Variants in SRRM3 observed in about 807,000 individuals in gnomAD.
SRRM3 encodes the protein serine/arginine repetitive matrix 3.
Under a neutral mutation model 66.2 loss-of-function variants are expected in SRRM3, and 27 were observed. That is an observed-to-expected ratio of 0.41 (90% confidence interval 0.30 to 0.56). The LOEUF (loss-of-function observed/expected upper bound fraction) is 0.56, where lower values mean the gene tolerates loss of function less well. Ranked by LOEUF, SRRM3 falls within the 20% of genes least tolerant of loss-of-function variation. The probability of loss-of-function intolerance (pLI) is 0.32; values close to 1 mark genes in which losing one functional copy is unlikely to be tolerated. For missense variants in SRRM3, 918 were observed against 991.9 expected (o/e 0.93, Z 1.00); for synonymous variants, 391 against 414.9 (o/e 0.94, Z 0.70).
rs1403759504 is a variant in SRRM3, at chr7:76,235,146, C to G, written c.80C>G (p.Ser27Cys). The part of the protein sequence containing the change: ...DAANGFPQPS[S>C]SSGTWPRAEE... The stretch of plus-strand genomic sequence containing the variant: ...GCGAACGGCTTCCCGCAGCCCAGCT[C>G]CTCCTCGGGGACCTGGCCGCGGGCG... Residue 27 changes from serine to cysteine, a missense_variant, in exon 2 of 15, where the codon TCC (serine) becomes TGC (cysteine). Physicochemically the swap from Ser to Cys is moderately radical, Grantham distance 112 (BLOSUM62 -1). Transcript: ENST00000611745. The G allele has an allele frequency of 1.3e-6, 2 of 1,563,906 alleles. No individual in the cohort carries two copies. Among genetic ancestry groups the G allele is most frequent in the Non-Finnish European group, 1.7e-6 (2 of 1,162,632 alleles).
intron 11 of SRRM3, among the ~76,000 whole-genome samples, chr7:76,271,505 A>T (rs1227405999): frequency 1.3e-5 from 2 of 151,786 alleles, no homozygotes; most frequent in Non-Finnish European, 2.9e-5. Context: ...AAAGCTGGGC[A>T]TGGTGGAATA....
At chr7:76,237,237 C>T (rs1256032169) in intron 2 of SRRM3, among the ~76,000 whole-genome samples, 1 of 152,162 alleles carries the variant, frequency 6.6e-6, no homozygotes, top group Non-Finnish European at 1.5e-5. Flanking sequence ...GAAACCCCAT[C>T]GCTACTAAAA....
chr7:76,277,730 AAAAAAG>A (rs1315705042), intron 11 of SRRM3, among the ~76,000 whole-genome samples: 3 of 148,500 alleles, frequency 2.0e-5, no homozygotes, highest in Non-Finnish European at 4.5e-5. Flanking sequence ...AAAAAAAAAA[AAAAAAG>A]AGAGAGAGAG....
intron 8 of SRRM3, among the ~76,000 whole-genome samples, chr7:76,263,445 A>C (rs192382719): frequency 6.6e-6 from 1 of 152,198 alleles, no homozygotes; most frequent in African/African-American, 2.4e-5. Flanking sequence ...CAGGCCTTTC[A>C]TCAAAGGTAG....
At chr7:76,233,978 G>A (rs1455136882) in intron 1 of SRRM3, among the ~76,000 whole-genome samples, 1 of 152,032 alleles carries the variant, frequency 6.6e-6, no homozygotes, top group East Asian at 1.9e-4. Flanking sequence ...AGGGGAGGGT[G>A]TGTTGGGGGA....
Position 76,282,028 on chromosome 7 carries a change from C to A in SRRM3, c.1370+226C>A, listed in dbSNP as rs73373462. Among the ~76,000 whole-genome samples the A allele has an allele frequency of 7.2e-3, 995 of 137,312 alleles. 17 individuals are homozygous for A. The highest frequency in any genetic ancestry group is 0.026 in the African/African-American group (958 of 36,326). 90.1% of individuals were successfully genotyped at this position (137,312 alleles called of 152,430 possible). A position where few individuals can be genotyped will look rare whatever the true frequency, so the allele number is the denominator to read the frequency against. On this transcript the variant is annotated intron_variant, in intron 12 of 14. Coordinates refer to ENST00000611745, the MANE Select transcript of SRRM3 (RefSeq NM_001110199.3). ...CTACCCCCCACGGATCTCAACCCCC[C>A]ACGGAGCTCTCCTCCCTCTCCACGG... is the stretch of plus-strand genomic sequence containing the variant.
At chr7:76,245,639 C>T (rs1158715449) in intron 2 of SRRM3, among the ~76,000 whole-genome samples, 2 of 152,138 alleles carry the variant, frequency 1.3e-5, no homozygotes, top group Non-Finnish European at 2.9e-5. Flanking sequence ...ACTGTAGTCA[C>T]CCTGTTGGGC....
At chr7:76,243,663 CT>C (rs1315214810) in intron 2 of SRRM3, among the ~76,000 whole-genome samples, 1 of 152,220 alleles carries the variant, frequency 6.6e-6, no homozygotes, top group Non-Finnish European at 1.5e-5. Context: ...CTGAAACCCC[CT>C]GCCAGCCCCC....
At chr7:76,273,631 C>T (rs1554610774) in intron 11 of SRRM3, 1 of 152,246 alleles carries the variant, frequency 6.6e-6, no homozygotes, top group African/African-American at 2.4e-5. Flanking sequence ...CTCTCGCTCC[C>T]ATCTCCAGAT....
chr7:76,240,700 A>G (rs1554605516), intron 2 of SRRM3, among the ~76,000 whole-genome samples: 1 of 151,610 alleles, frequency 6.6e-6, no homozygotes, highest in Admixed American at 6.6e-5. Context: ...TGTCCCAGAG[A>G]GCGACCCAGG....
chr7:76,261,386 A>G lies in SRRM3; in HGVS notation c.610A>G (p.Lys204Glu). ...GSSSPLRKKK[K>E]SVKKHRRDRS... The stretch of plus-strand genomic sequence containing the variant: ...CTCCTCACCCCTCCGCAAGAAGAAG[A>G]AGAGTGTGAAGAAGCATCGCCGAGA... The change falls in exon 7 of 15, where the codon AAG (lysine) becomes GAG (glutamate). Residue 204 changes from lysine (K) to glutamate (E), a missense_variant. Transcript: ENST00000611745. 2 of 1,587,068 alleles carry G rather than the reference A, an allele frequency of 1.3e-6. No individual in the cohort carries two copies. Among genetic ancestry groups the G allele is most frequent in the Non-Finnish European group, 1.7e-6 (2 of 1,167,236 alleles).
At chr7:76,267,518 G>A in intron 11 of SRRM3, 83 bp downstream of exon 11, 2 of 1,043,026 alleles carry the variant, frequency 1.9e-6, no homozygotes, top group Non-Finnish European at 2.5e-6. Flanking sequence ...CGGGGCAGGG[G>A]GCGATAAGTG....
chr7:76,278,990 C>T (rs939081829), intron 11 of SRRM3, among the ~76,000 whole-genome samples: 1 of 152,174 alleles, frequency 6.6e-6, no homozygotes, highest in Non-Finnish European at 1.5e-5. Flanking sequence ...CGGTGGCTCT[C>T]GCCTGTAATC....
At chr7:76,209,460 A>G (rs1421098652) in intron 1 of SRRM3, among the ~76,000 whole-genome samples, 3 of 152,202 alleles carry the variant, frequency 2.0e-5, no homozygotes, top group Non-Finnish European at 4.4e-5. Context: ...GGCACTCCAG[A>G]GAGCATCATG....
chr7:76,228,061 T>TA (rs1554603884), intron 1 of SRRM3, among the ~76,000 whole-genome samples: 1 of 151,962 alleles, frequency 6.6e-6, no homozygotes, highest in Non-Finnish European at 1.5e-5. Context: ...GTAGAGACAG[T>TA]GTCTGACTAT....
At position 76,241,870 on chromosome 7, in the gene SRRM3, C is replaced by T. The variant is rs139278553; in HGVS notation, c.234-6318C>T. Among the ~76,000 whole-genome samples, 201 of 152,314 alleles carry T rather than the reference C, an allele frequency of 1.3e-3. 9 individuals carry two copies. In the South Asian group the frequency reaches 0.036, roughly 28 times the overall value. On this transcript the variant is annotated intron_variant, in intron 2 of 14. Coordinates refer to ENST00000611745, the MANE Select transcript of SRRM3 (RefSeq NM_001110199.3). ...TGTGCAAAGTGATGTAAATACATCACGTCTGTGTTAGCCCACTTTGCATTG... is the reference window on the plus strand; with the variant it reads ...TGTGCAAAGTGATGTAAATACATCATGTCTGTGTTAGCCCACTTTGCATTG...
chr7:76,264,844 C>A, intron 9 of SRRM3, 29 bp downstream of exon 9: 2 of 1,611,574 alleles, frequency 1.2e-6, no homozygotes, highest in Non-Finnish European at 8.5e-7. Flanking sequence ...CTCCAGCCCC[C>A]CATTCGTTCT....
chr7:76,247,855 C>T (rs1351767152), intron 2 of SRRM3, among the ~76,000 whole-genome samples: 6 of 152,084 alleles, frequency 3.9e-5, no homozygotes, highest in African/African-American at 1.4e-4. Flanking sequence ...CCACCACATC[C>T]GGCTAATTTT....
intron 1 of SRRM3, among the ~76,000 whole-genome samples, chr7:76,222,898 G>C (rs1800762122): frequency 6.6e-6 from 1 of 152,068 alleles, no homozygotes; most frequent in Non-Finnish European, 1.5e-5. Flanking sequence ...TTACAGGATT[G>C]AGCCACCGCG....
Sources: allele counts gnomAD v4.1 joint callset (sites outside exome capture counted in the v4.1 genomes callset), GRCh38; gene constraint gnomAD v4.1.1; transcripts MANE v1.5; gene names NCBI Gene and HGNC (gene_info 2026-07-23, HGNC 2026-07-21).